Variants in TAF4 observed in about 807,000 individuals in gnomAD.
TAF4 encodes the protein TATA-box binding protein associated factor 4.
TAF4 carries 9 observed loss-of-function variants against 90.3 expected under a neutral mutation model. The ratio of observed to expected loss-of-function variants is 0.10; its 90% confidence interval spans 0.06 to 0.17. TAF4 has a LOEUF of 0.17. Among genes scored for constraint, TAF4 ranks in the 10% least tolerant of loss-of-function variants. The pLI is 1.00. For synonymous variants in TAF4, 818 were observed against 638.9 expected (o/e 1.28, Z -4.23); for missense variants, 1,351 against 1,370.7 (o/e 0.99, Z 0.23).
intron 1 of TAF4, among the ~76,000 whole-genome samples, chr20:62,053,714 C>G (rs2056044133): frequency 6.6e-6 from 1 of 152,250 alleles, no homozygotes; most frequent in Admixed American, 6.5e-5. Context: ...AGGCCAAGCA[C>G]GGTCTGAGGC....
At chr20:62,014,262 G>T (rs904373517) in intron 2 of TAF4, among the ~76,000 whole-genome samples, 1 of 152,052 alleles carries the variant, frequency 6.6e-6, no homozygotes, top group African/African-American at 2.4e-5. Context: ...GGGCCAGAGC[G>T]GCCAACCCTG....
chr20:61,999,981 AG>A, intron 11 of TAF4, 142 bp downstream of exon 11: 1 of 1,010,940 alleles, frequency 9.9e-7, no homozygotes, highest in Non-Finnish European at 1.5e-6. Context: ...TAGTCCTATA[AG>A]AAATCCAAAA....
At chr20:62,024,547 T>C (rs1055203676) in intron 1 of TAF4, among the ~76,000 whole-genome samples, 6 of 152,172 alleles carry the variant, frequency 3.9e-5, no homozygotes, top group African/African-American at 1.4e-4. Context: ...GGATCCAGAA[T>C]GTATGCAGAA....
At chr20:62,004,017 A>T in intron 7 of TAF4, 139 bp from the exon 8 acceptor site, 1 of 1,105,712 alleles carries the variant, frequency 9.0e-7, no homozygotes, top group Non-Finnish European at 1.2e-6. Context: ...CCCCGTGTGC[A>T]GCTCAGCCCC....
chr20:62,024,028 A>C (rs2055860557), intron 1 of TAF4, among the ~76,000 whole-genome samples: 1 of 152,146 alleles, frequency 6.6e-6, no homozygotes, highest in African/African-American at 2.4e-5. Flanking sequence ...CAGTGAGCCG[A>C]GATCACCCCA....
intron 1 of TAF4, among the ~76,000 whole-genome samples, chr20:62,061,235 C>A (rs2056087157): frequency 6.6e-6 from 1 of 152,206 alleles, no homozygotes; most frequent in South Asian, 2.1e-4. Context: ...CTCGCCAAAT[C>A]CAACCCGTCC....
intron 1 of TAF4, among the ~76,000 whole-genome samples, chr20:62,027,976 T>G: frequency 6.6e-6 from 1 of 152,064 alleles, no homozygotes; most frequent in East Asian, 1.9e-4. Context: ...AGGCCAGGAG[T>G]TGTATCATTC....
intron 3 of TAF4, chr20:62,012,097 C>A (rs1323453985): frequency 4.6e-5 from 7 of 152,358 alleles, no homozygotes; most frequent in African/African-American, 1.7e-4. Flanking sequence ...AGGAGAGGGG[C>A]CAGCACCTGC....
At chr20:62,022,611 C>G (rs1045563259) in intron 1 of TAF4, among the ~76,000 whole-genome samples, 2 of 152,202 alleles carry the variant, frequency 1.3e-5, no homozygotes, top group Admixed American at 6.5e-5. Context: ...AGCGTGCGCT[C>G]CTTACACAGG....
rs1013084434 is a variant in TAF4, at chr20:62,044,504, GATC to G, written c.1360+19944_1360+19946del. On this transcript the variant is annotated intron_variant, in intron 1 of 14. Coordinates refer to ENST00000252996, the MANE Select transcript of TAF4 (RefSeq NM_003185.4). ...TGGTAACATAACCAACACAAAAAAG[GATC>G]ATTTCAGTGGAGTTTTGAACACAGT... Among the ~76,000 whole-genome samples, 29 of 152,242 alleles carry G rather than the reference GATC, an allele frequency of 1.9e-4. No individual in the cohort carries two copies. The South Asian group carries it at 5.8e-3, about 30-fold the overall frequency.
intron 14 of TAF4, chr20:61,979,362 G>A (rs905276632): frequency 6.5e-6 from 1 of 152,958 alleles, no homozygotes; most frequent in African/African-American, 2.4e-5. Flanking sequence ...GAGAAAGAAG[G>A]GCCTGTGGGG....
At chr20:62,045,080 A>C (rs566569229) in intron 1 of TAF4, among the ~76,000 whole-genome samples, 2 of 152,370 alleles carry the variant, frequency 1.3e-5, no homozygotes, top group South Asian at 4.1e-4. Context: ...GAAAACTCAC[A>C]ACGCCGACAT....
At chr20:62,017,385 TC>T (rs1003867967) in intron 1 of TAF4, among the ~76,000 whole-genome samples, 2 of 151,652 alleles carry the variant, frequency 1.3e-5, no homozygotes, top group African/African-American at 4.9e-5. Flanking sequence ...ACGCCTGTAA[TC>T]CCAGCACTTT....
chr20:61,982,134 T>A (rs9753760), intron 14 of TAF4, among the ~76,000 whole-genome samples: 1 of 37,858 alleles, frequency 2.6e-5, no homozygotes, highest in Non-Finnish European at 4.6e-5. Flanking sequence ...ATCAAACCCA[T>A]ACCCACCCTA....
chr20:62,003,257 C>T lies in TAF4; in HGVS notation c.2389G>A (p.Ala797Thr), dbSNP rs201949536. Reference sequence around the variant, plus strand: ...AGGGCTTTGGTTCCAGGTAACACGGCGGGTTTCACCACAGGGACTACAAAA... The same window carrying T: ...AGGGCTTTGGTTCCAGGTAACACGGTGGGTTTCACCACAGGGACTACAAAA... ...PLQPVPVVKP[A>T]VLPGTKALSA... The change falls in exon 9 of 15, where the codon GCC becomes ACC. Residue 797 changes from alanine to threonine, a missense_variant. Physicochemically the swap from Ala to Thr is moderately conservative, Grantham distance 58. Coordinates refer to ENST00000252996, the MANE Select transcript of TAF4 (RefSeq NM_003185.4). The T allele has an allele frequency of 1.5e-5, 25 of 1,614,046 alleles. No individual in the cohort carries two copies. The highest frequency in any genetic ancestry group is 4.5e-5 in the East Asian group (2 of 44,876).
chr20:61,979,730 GGTGGCC>G (rs2055525403), intron 14 of TAF4, among the ~76,000 whole-genome samples: 5 of 131,268 alleles, frequency 3.8e-5, no homozygotes, highest in Non-Finnish European at 4.8e-5. Flanking sequence ...GTGCAGGCGC[GGTGGCC>G]ACTCCAGAGG....
chr20:62,038,201 G>A (rs1403329581), intron 1 of TAF4, among the ~76,000 whole-genome samples: 1 of 152,018 alleles, frequency 6.6e-6, no homozygotes, highest in Non-Finnish European at 1.5e-5. Flanking sequence ...CTAATTTTTT[G>A]TATTTTTACT....
At chr20:62,059,629 T>C (rs1229454320) in intron 1 of TAF4, among the ~76,000 whole-genome samples, 1 of 152,186 alleles carries the variant, frequency 6.6e-6, no homozygotes, top group East Asian at 1.9e-4. Context: ...AACTGCTTTA[T>C]TGCTATCAAA....
At chr20:62,007,727 C>A (rs1157938073) in intron 5 of TAF4, 91 bp from the exon 6 acceptor site, 1 of 1,249,912 alleles carries the variant, frequency 8.0e-7, no homozygotes, top group African/African-American at 1.5e-5. Context: ...TATTTTACGG[C>A]TGATTCCGCC....
Sources: gnomAD v4.1 joint callset for allele counts (sites outside exome capture counted in the v4.1 genomes callset) on GRCh38, gnomAD v4.1.1 for gene constraint, MANE v1.5 for transcripts, NCBI Gene and HGNC (gene_info 2026-07-23, HGNC 2026-07-21) for gene names.